Variants in TEC observed in about 807,000 individuals in gnomAD.
TEC encodes tec protein tyrosine kinase.
Under a neutral mutation model 93.0 loss-of-function variants are expected in TEC, and 72 were observed. The observed-to-expected ratio is 0.77, with a 90% CI of 0.64 to 0.94. TEC has a LOEUF of 0.94. Ranked by LOEUF, TEC falls within the 40% of genes least tolerant of loss-of-function variation. The pLI is 0.00. For synonymous variants in TEC, 249 were observed against 247.7 expected (o/e 1.01, Z -0.05); for missense variants, 630 against 757.9 (o/e 0.83, Z 1.98).
At chr4:48,230,113 C>T (rs1264141245) in intron 1 of TEC, among the ~76,000 whole-genome samples, 2 of 149,558 alleles carry the variant, frequency 1.3e-5, no homozygotes, top group Non-Finnish European at 3.0e-5. Context: ...AAATAAATAA[C>T]TGCATATTAA....
At chr4:48,175,579 G>GA (rs1721291428) in intron 3 of TEC, among the ~76,000 whole-genome samples, 1 of 152,200 alleles carries the variant, frequency 6.6e-6, no homozygotes, top group African/African-American at 2.4e-5. Flanking sequence ...CTCTTCTGGA[G>GA]AGGAGATGCG....
chr4:48,237,479 G>A (rs1723817935), intron 1 of TEC, among the ~76,000 whole-genome samples: 1 of 152,064 alleles, frequency 6.6e-6, no homozygotes. Context: ...GAAAACAAAA[G>A]TGACTGTGAG....
chr4:48,254,696 A>G (rs996032141), intron 1 of TEC, among the ~76,000 whole-genome samples: 3 of 152,256 alleles, frequency 2.0e-5, no homozygotes, highest in Non-Finnish European at 1.5e-5. Context: ...TCCAAAGAGT[A>G]GGTTGACGAG....
intron 1 of TEC, among the ~76,000 whole-genome samples, chr4:48,241,084 G>A (rs1194685481): frequency 6.6e-6 from 1 of 152,118 alleles, no homozygotes; most frequent in East Asian, 1.9e-4. Flanking sequence ...CTACTGTTTG[G>A]AAAGTGTCTA....
At chr4:48,184,972 T>C (rs1175340864) in intron 2 of TEC, among the ~76,000 whole-genome samples, 2 of 152,134 alleles carry the variant, frequency 1.3e-5, no homozygotes, top group East Asian at 1.9e-4. Context: ...CCTTCAGCCA[T>C]GTTCATTAAA....
intron 8 of TEC, 152 bp from the exon 9 acceptor site, chr4:48,156,886 A>C (rs1303905989): frequency 1.6e-6 from 1 of 606,854 alleles, no homozygotes; most frequent in Non-Finnish European, 2.7e-6. Flanking sequence ...ACAACTAATA[A>C]TTTTGATGTA....
At chr4:48,190,144 A>T (rs1283973109) in intron 2 of TEC, among the ~76,000 whole-genome samples, 1 of 152,242 alleles carries the variant, frequency 6.6e-6, no homozygotes. Context: ...GTGAGTATGT[A>T]TGCTGACTGG....
At chr4:48,170,919 T>C (rs963562989) in intron 4 of TEC, among the ~76,000 whole-genome samples, 5 of 151,920 alleles carry the variant, frequency 3.3e-5, no homozygotes, top group African/African-American at 1.2e-4. Flanking sequence ...GGCATGGTGG[T>C]GGGTGCCTGT....
intron 1 of TEC, among the ~76,000 whole-genome samples, chr4:48,243,967 T>TAA (rs11386785): frequency 0.14 from 18,481 of 132,486 alleles, 1,616 homozygotes; most frequent in East Asian, 0.26. Context: ...AAAGTATAAT[T>TAA]AAAAAAAAAA....
intron 2 of TEC, among the ~76,000 whole-genome samples, chr4:48,191,328 A>C (rs1053843385): frequency 1.3e-5 from 2 of 152,194 alleles, no homozygotes; most frequent in African/African-American, 2.4e-5. Context: ...TTTCCCATAT[A>C]AACAGCCTTA....
At chr4:48,141,585 G>T (rs917168763) in intron 14 of TEC, 166 bp from the exon 15 acceptor site, 1 of 547,316 alleles carries the variant, frequency 1.8e-6, no homozygotes, top group Non-Finnish European at 3.1e-6. Flanking sequence ...TATTTCCATT[G>T]TGTATTTGAA....
At chr4:48,236,646 G>A (rs776111226) in intron 1 of TEC, among the ~76,000 whole-genome samples, 11 of 152,284 alleles carry the variant, frequency 7.2e-5, no homozygotes, top group Middle Eastern at 3.4e-3. Context: ...CATTGGAGTT[G>A]AACACAAGAG....
intron 1 of TEC, among the ~76,000 whole-genome samples, chr4:48,266,098 A>G (rs180832127): frequency 2.4e-4 from 36 of 152,338 alleles, no homozygotes; most frequent in African/African-American, 6.0e-4. Context: ...CAAAATTGCC[A>G]TCTTAGAAAT....
intron 1 of TEC, among the ~76,000 whole-genome samples, chr4:48,256,189 G>A (rs1008538220): frequency 1.3e-5 from 2 of 152,262 alleles, no homozygotes; most frequent in Admixed American, 1.3e-4. Context: ...CAGGGCACTG[G>A]AGTAGTGCTG....
At chr4:48,155,401 T>G (rs534365969) in intron 9 of TEC, among the ~76,000 whole-genome samples, 1 of 152,196 alleles carries the variant, frequency 6.6e-6, no homozygotes, top group Non-Finnish European at 1.5e-5. Context: ...GTTGAGTGTT[T>G]AGTAGGTCTT....
At chr4:48,241,182 G>C (rs1723914446) in intron 1 of TEC, among the ~76,000 whole-genome samples, 1 of 151,544 alleles carries the variant, frequency 6.6e-6, no homozygotes, top group African/African-American at 2.4e-5. Flanking sequence ...GTCATTATCT[G>C]GTCCACTTAT....
chr4:48,209,351 A>G (rs1310810420), intron 2 of TEC, among the ~76,000 whole-genome samples: 1 of 152,088 alleles, frequency 6.6e-6, no homozygotes, highest in Non-Finnish European at 1.5e-5. Context: ...CAGGCACAGT[A>G]CCTCACTTTG....
chr4:48,168,606 G>GAGGTAGTGCTTTTCTTAT lies in TEC; in HGVS notation c.457_474dup (p.Ile153_Pro158dup), dbSNP rs769644583. On this transcript the variant is annotated inframe_insertion, in exon 6 of 18. Transcript: ENST00000381501. ...CCTACCTTCTTTGTTTCTGGTGCTG[G>GAGGTAGTGCTTTTCTTAT]AGGTAGTGCTTTTCTTATACCTGAA... 1.1e-5 allele frequency: 17 copies of GAGGTAGTGCTTTTCTTAT among 1,604,488 alleles called. No individual in the cohort carries two copies. The East Asian group carries it at 3.6e-4, about 34-fold the overall frequency.
chr4:48,149,734 A>C (rs1261632043), intron 10 of TEC, 44 bp from the exon 11 acceptor site: 1 of 1,558,698 alleles, frequency 6.4e-7, no homozygotes, highest in East Asian at 2.3e-5. Context: ...TTGAAATAAT[A>C]GAACTTCATT....
Sources: allele counts gnomAD v4.1 joint callset (sites outside exome capture counted in the v4.1 genomes callset), GRCh38; gene constraint gnomAD v4.1.1; transcripts MANE v1.5; gene names NCBI Gene and HGNC (gene_info 2026-07-23, HGNC 2026-07-21).